ABLIM3: variants seen among roughly 807,000 people sequenced by gnomAD.
ABLIM3 encodes the protein actin binding LIM protein family member 3.
In ABLIM3, 61 loss-of-function variants were observed where a neutral mutation model predicts 109.5. The observed-to-expected ratio is 0.56, with a 90% confidence interval of 0.45 to 0.69. ABLIM3 has a LOEUF of 0.69. Ranked by LOEUF, ABLIM3 falls within the 30% of genes least tolerant of loss-of-function variation. The pLI is 0.00. For synonymous variants in ABLIM3, 300 were observed against 324.8 expected (o/e 0.92, Z 0.82); for missense variants, 796 against 889.5 (o/e 0.89, Z 1.34).
rs370917930 is a variant in ABLIM3, at chr5:149,239,843, A to T, written c.1159A>T (p.Met387Leu). Residue 387 changes from methionine (M) to leucine (L), a missense_variant, in exon 13 of 24, where the codon ATG (methionine) becomes TTG (leucine). Coordinates refer to ENST00000309868, the MANE Select transcript of ABLIM3 (RefSeq NM_014945.5). ...CTCCCCCACCTACAGCCGGCAGGGCATGTCCCCCACCTTCTCCCGCTCACC... is the reference window on the plus strand; with the variant it reads ...CTCCCCCACCTACAGCCGGCAGGGCTTGTCCCCCACCTTCTCCCGCTCACC... ...IDSPTYSRQG[M>L]SPTFSRSPHH... 1.1e-4 allele frequency: 180 copies of T among 1,610,696 alleles called. 1 individual carries two copies. The highest frequency in any genetic ancestry group is 1.5e-4 in the Non-Finnish European group (173 of 1,178,400).
At chr5:149,158,604 A>G (rs1237005836) in intron 2 of ABLIM3, among the ~76,000 whole-genome samples, 1 of 152,218 alleles carries the variant, frequency 6.6e-6, no homozygotes, top group Non-Finnish European at 1.5e-5. Context: ...TATACTTGAC[A>G]AGTCTAGTCA....
At chr5:149,245,706 A>C (rs1020195710) in intron 16 of ABLIM3, among the ~76,000 whole-genome samples, 3 of 152,098 alleles carry the variant, frequency 2.0e-5, no homozygotes, top group African/African-American at 7.2e-5. Context: ...GCTCCTGGTA[A>C]GGGGTCTCAG....
intron 6 of ABLIM3, among the ~76,000 whole-genome samples, chr5:149,209,398 G>A (rs1422096435): frequency 6.6e-6 from 1 of 152,186 alleles, no homozygotes; most frequent in Non-Finnish European, 1.5e-5. Flanking sequence ...CCTTGGCAAG[G>A]GACTCCACTG....
intron 21 of ABLIM3, 82 bp from the exon 22 acceptor site, chr5:149,252,119 G>A: frequency 1.3e-6 from 2 of 1,528,674 alleles, no homozygotes; most frequent in Non-Finnish European, 1.8e-6. Context: ...CCCTGAGAGA[G>A]TAGGACAGAG....
intron 19 of ABLIM3, 115 bp downstream of exon 19, chr5:149,249,959 C>G: frequency 3.1e-6 from 4 of 1,287,196 alleles, no homozygotes; most frequent in Non-Finnish European, 4.5e-6. Context: ...CCAGCCCACT[C>G]CTGATCTCAA....
intron 2 of ABLIM3, among the ~76,000 whole-genome samples, chr5:149,144,221 C>G (rs1310661348): frequency 1.3e-5 from 2 of 152,130 alleles, no homozygotes; most frequent in African/African-American, 4.8e-5. Flanking sequence ...GGCTCAGCAG[C>G]CTTGGAAGCC....
At chr5:149,174,022 A>AAC in intron 2 of ABLIM3, among the ~76,000 whole-genome samples, 1 of 99,396 alleles carries the variant, frequency 1.0e-5, no homozygotes. Flanking sequence ...ACTCCGTCTC[A>AAC]AAAAAAAAAA....
chr5:149,229,189 C>T (rs1220661247), intron 8 of ABLIM3, among the ~76,000 whole-genome samples: 1 of 152,168 alleles, frequency 6.6e-6, no homozygotes, highest in Non-Finnish European at 1.5e-5. Context: ...GTGGACACAC[C>T]CTGTGATTGC....
Position 149,258,360 on chromosome 5 carries a change from C to T in ABLIM3, c.2008C>T (p.Leu670Phe), listed in dbSNP as rs1345586161. 1 of 1,614,068 alleles carries T rather than the reference C, an allele frequency of 6.2e-7. No individual in the cohort carries two copies. Among genetic ancestry groups the T allele is most frequent in the Non-Finnish European group, 8.5e-7 (1 of 1,180,030 alleles). ...MTISEFDRLA[L>F]WKRNELKKQA... is the part of the protein sequence containing the mutation. Reference sequence around the variant, plus strand: ...CATCTCTGAGTTTGACCGGCTGGCCCTCTGGAAGAGGAATGAACTGAAGAA... The same window carrying T: ...CATCTCTGAGTTTGACCGGCTGGCCTTCTGGAAGAGGAATGAACTGAAGAA... Residue 670 changes from leucine to phenylalanine, a missense_variant, in exon 24 of 24, where the codon CTC becomes TTC. Leu to Phe is a conservative substitution (Grantham distance 22). Coordinates refer to ENST00000309868, the MANE Select transcript of ABLIM3 (RefSeq NM_014945.5).
chr5:149,163,507 T>C (rs1359659788), intron 2 of ABLIM3, among the ~76,000 whole-genome samples: 3 of 152,138 alleles, frequency 2.0e-5, no homozygotes, highest in Non-Finnish European at 4.4e-5. Flanking sequence ...GATCAAGGTA[T>C]GGGCAAGGTT....
chr5:149,211,574 T>C (rs1201986222), intron 7 of ABLIM3, among the ~76,000 whole-genome samples: 1 of 152,206 alleles, frequency 6.6e-6, no homozygotes, highest in Non-Finnish European at 1.5e-5. Context: ...TTTGCTTTTC[T>C]AGGCCTCAGT....
At chr5:149,240,799 C>G (rs767331051) in intron 14 of ABLIM3, 25 bp downstream of exon 14, 1 of 1,603,726 alleles carries the variant, frequency 6.2e-7, no homozygotes, top group African/African-American at 1.3e-5. Context: ...CCCAGAATTC[C>G]TGGGATGGAT....
At position 149,143,460 on chromosome 5, in the gene ABLIM3, A is replaced by G. The variant is rs10066176; in HGVS notation, c.13+1352A>G. On this transcript the variant is annotated intron_variant, in intron 2 of 23. Coordinates refer to ENST00000309868, the MANE Select transcript of ABLIM3 (RefSeq NM_014945.5). ...AGAGCTGAGCAACAAGGCCAGAACT[A>G]TCAAGACCTTATTGAAGCTGTATCC... Among the ~76,000 whole-genome samples the G allele has an allele frequency of 4.0e-3, 611 of 152,068 alleles. 3 individuals are homozygous for G. The highest frequency in any genetic ancestry group is 0.014 in the African/African-American group (574 of 41,486).
rs895152077 is a variant in ABLIM3, at chr5:149,259,227, C to T, written c.*823C>T. 22 of 1,174,682 alleles carry T rather than the reference C, an allele frequency of 1.9e-5. No homozygotes were observed. The highest frequency in any genetic ancestry group is 4.1e-5 in the Admixed American group (1 of 24,158). The allele number at this position is 1,174,682 out of a possible 1,614,324, so 72.8% of individuals were successfully genotyped here. A position where few individuals can be genotyped will look rare whatever the true frequency, so the allele number is the denominator to read the frequency against. ...TCAGAGCTGCAGGATTTCTTGGGAC[C>T]CTCCTCTCTCCCTCACTGCTCCCAG... On this transcript the variant is annotated 3_prime_UTR_variant, in exon 24 of 24. Coordinates refer to ENST00000309868, the MANE Select transcript of ABLIM3 (RefSeq NM_014945.5).
chr5:149,214,567 G>T (rs184826347), intron 7 of ABLIM3, among the ~76,000 whole-genome samples: 1 of 152,228 alleles, frequency 6.6e-6, no homozygotes, highest in African/African-American at 2.4e-5. Flanking sequence ...ATATGGAGAA[G>T]AGGTAGCCCC....
At chr5:149,256,741 T>C (rs1277359338) in intron 23 of ABLIM3, among the ~76,000 whole-genome samples, 3 of 152,132 alleles carry the variant, frequency 2.0e-5, no homozygotes, top group African/African-American at 4.8e-5. Flanking sequence ...GAAAATAAAA[T>C]AGGTAAATGA....
chr5:149,217,472 C>G (rs545527901), intron 8 of ABLIM3: 1 of 176,968 alleles, frequency 5.7e-6, no homozygotes, highest in South Asian at 1.4e-4. Flanking sequence ...TCATGCCAGG[C>G]TGCTGCTCAG....
At chr5:149,236,999 T>G (rs1190799647) in intron 10 of ABLIM3, among the ~76,000 whole-genome samples, 1 of 152,226 alleles carries the variant, frequency 6.6e-6, no homozygotes, top group Non-Finnish European at 1.5e-5. Flanking sequence ...CATCTTCTTC[T>G]TCAAGGATGC....
intron 8 of ABLIM3, among the ~76,000 whole-genome samples, chr5:149,224,882 G>A (rs776452728): frequency 9.2e-5 from 14 of 152,314 alleles, no homozygotes; most frequent in Non-Finnish European, 7.3e-5. Context: ...TCTAGACAAT[G>A]CAGCTAGTAA....
Sources: allele counts gnomAD v4.1 joint callset (sites outside exome capture counted in the v4.1 genomes callset), GRCh38; gene constraint gnomAD v4.1.1; transcripts MANE v1.5; gene names NCBI Gene and HGNC (gene_info 2026-07-23, HGNC 2026-07-21).